The following SYT3 variants were observed in gnomAD, a reference collection of about 807,000 sequenced individuals.
SYT3 encodes the protein synaptotagmin-3.
SYT3 carries 25 observed loss-of-function variants against 50.6 expected under a neutral mutation model. The ratio of observed to expected loss-of-function variants is 0.49; its 90% CI spans 0.36 to 0.69. The LOEUF (loss-of-function observed/expected upper bound fraction) is 0.69. Among genes scored for constraint, SYT3 ranks in the 30% least tolerant of loss-of-function variants. SYT3 has a pLI of 0.00. For synonymous variants in SYT3, 323 were observed against 353.9 expected (o/e 0.91, Z 0.98); for missense variants, 589 against 793.6 (o/e 0.74, Z 3.10).
chr19:50,645,299 T>C, the SYT3 span, among the ~76,000 whole-genome samples: 1 of 151,674 alleles, frequency 6.6e-6, no homozygotes, highest in African/African-American at 2.4e-5. Flanking sequence ...CAGAGGGAAG[T>C]CGGTCGGAGT....
the SYT3 span, among the ~76,000 whole-genome samples, chr19:50,648,441 C>T: frequency 6.6e-6 from 1 of 152,162 alleles, no homozygotes; most frequent in Admixed American, 6.5e-5. Flanking sequence ...GAGACAAAGA[C>T]TGCAAGGACA....
At chr19:50,645,502 G>C in the SYT3 span, among the ~76,000 whole-genome samples, 1 of 152,132 alleles carries the variant, frequency 6.6e-6, no homozygotes, top group African/African-American at 2.4e-5. Flanking sequence ...GAGAAAGACA[G>C]GGAGAGAAAG....
intron 3 of SYT3, among the ~76,000 whole-genome samples, chr19:50,633,745 T>A (rs781420211): frequency 6.6e-6 from 1 of 152,222 alleles, no homozygotes. Context: ...CAGTACTTTA[T>A]AGAGATCAGG....
chr19:50,657,817 T>C, the SYT3 span, among the ~76,000 whole-genome samples: 2 of 152,214 alleles, frequency 1.3e-5, no homozygotes, highest in Non-Finnish European at 2.9e-5. Flanking sequence ...AGATAATCTG[T>C]CGTCTCCTTT....
the SYT3 span, among the ~76,000 whole-genome samples, chr19:50,652,046 C>T: frequency 6.6e-6 from 1 of 152,078 alleles, no homozygotes; most frequent in South Asian, 2.1e-4. Flanking sequence ...TGAATTGACA[C>T]CATTGTAGCT....
At chr19:50,658,009 C>T in the SYT3 span, 1 of 1,534,826 alleles carries the variant, frequency 6.5e-7, no homozygotes. Flanking sequence ...ATTTTACCCA[C>T]CTGGAGGTGC....
chr19:50,657,923 G>GGT, the SYT3 span: 5 of 1,469,572 alleles, frequency 3.4e-6, no homozygotes, highest in South Asian at 6.8e-5. Context: ...GGTCTAGGGT[G>GGT]GTGACTTCTG....
At chr19:50,623,597 C>T (rs1323849510) in intron 9 of SYT3, among the ~76,000 whole-genome samples, 3 of 103,716 alleles carry the variant, frequency 2.9e-5, no homozygotes, top group Non-Finnish European at 5.4e-5. Context: ...GACAACATGG[C>T]AAAACCCTGT....
rs140785262 is a variant in SYT3, at chr19:50,632,792, C to T, written c.168G>A (p.Leu56=). The change falls in exon 4 of 11, where the codon CTG becomes CTA. Residue 56 remains leucine (L), a synonymous_variant. Transcript: ENST00000600079. The surrounding 1 kb of genome is among the most constrained non-coding windows in gnomAD (Gnocchi z 4.7). ...GPDADISVSL[L]SVIVTFCGIV... ...TGCCACAGAATGTCACGATGACCGA[C>T]AGCAGGCTCACGGAGATGTCTGGAG... 2.1e-4 allele frequency: 319 copies of T among 1,517,236 alleles called. 2 individuals carry two copies. The highest frequency in any genetic ancestry group is 2.6e-4 in the Non-Finnish European group (293 of 1,134,686). The allele number at this position is 1,517,236 out of a possible 1,614,324, so 94.0% of individuals were successfully genotyped here. A position where few individuals can be genotyped will look rare whatever the true frequency, so the allele number is the denominator to read the frequency against.
Position 50,622,460 on chromosome 19 carries a change from C to T in SYT3, c.*25G>A, listed in dbSNP as rs940467474. On this transcript the variant is annotated 3_prime_UTR_variant, in exon 11 of 11. Transcript: ENST00000600079. ...GATGGGGTCCTGAGGGAGCCTGGTCCGATCCCGGGCCTAGGCCAGACCTGC... is the reference window on the plus strand; with the variant it reads ...GATGGGGTCCTGAGGGAGCCTGGTCTGATCCCGGGCCTAGGCCAGACCTGC... The T allele has an allele frequency of 2.1e-5, 9 of 430,586 alleles. No individual in the cohort carries two copies. Among genetic ancestry groups the T allele is most frequent in the Middle Eastern group, 7.2e-4 (1 of 1,384 alleles). 26.7% of individuals were successfully genotyped at this position (430,586 alleles called of 1,614,324 possible).
intron 3 of SYT3, among the ~76,000 whole-genome samples, chr19:50,633,087 T>A (rs890802637): frequency 6.6e-6 from 1 of 152,176 alleles, no homozygotes; most frequent in Admixed American, 6.5e-5. Flanking sequence ...GCTCAAGCAA[T>A]CCTCTTACCT....
At chr19:50,630,662 A>T (rs1402808311) in intron 4 of SYT3, among the ~76,000 whole-genome samples, 1 of 152,026 alleles carries the variant, frequency 6.6e-6, no homozygotes, top group Non-Finnish European at 1.5e-5. Flanking sequence ...ACCTCAGATG[A>T]TCTGCCCGCC....
At position 50,625,779 on chromosome 19, in the gene SYT3, AGT is replaced by A; in HGVS notation, c.1402+116_1402+117del. On this transcript the variant is annotated intron_variant, in intron 7 of 10. Coordinates refer to ENST00000600079, the MANE Select transcript of SYT3 (RefSeq NM_001160329.2). This position sits in a 1 kb window ranked among gnomAD's most constrained non-coding sequence, Gnocchi z 7.5. ...TGGCCCCTCCTCCCTCAGACCCAGG[AGT>A]CCAGATCCCCAGCTCCTCCTCCCTC... 1.4e-5 allele frequency: 8 copies of A among 566,822 alleles called. 1 individual carries two copies. Among genetic ancestry groups the A allele is most frequent in the South Asian group, 5.7e-5 (3 of 52,890 alleles). The allele number at this position is 566,822 out of a possible 1,614,324, so 35.1% of individuals were successfully genotyped here. A position where few individuals can be genotyped will look rare whatever the true frequency, so the allele number is the denominator to read the frequency against.
chr19:50,644,215 T>C (rs1299839740), upstream of SYT3, among the ~76,000 whole-genome samples: 3 of 152,216 alleles, frequency 2.0e-5, no homozygotes, highest in Non-Finnish European at 4.4e-5. Context: ...TGTGAATCTA[T>C]GATGTATTGA....
Position 50,639,593 on chromosome 19 carries a change from AC to A in SYT3, c.-154+196del, listed in dbSNP as rs1984609339. Among the ~76,000 whole-genome samples, 1 of 151,324 alleles carries A rather than the reference AC, an allele frequency of 6.6e-6. No homozygotes were observed. ...GATCGGTGGGCGAGGGGTGGGATAC[AC>A]CCAGGTGTTTCGGGACCCCCTTCCA... On this transcript the variant is annotated intron_variant, in intron 1 of 10. Transcript: ENST00000600079. This position sits in a 1 kb window ranked among gnomAD's most constrained non-coding sequence, Gnocchi z 4.6.
In SYT3 at chr19:50,625,252, G is replaced by C. The variant is rs1256810802; in HGVS notation, c.1617C>G (p.Pro539=). 1.3e-6 allele frequency: 2 copies of C among 1,559,724 alleles called. No homozygotes were observed. Among genetic ancestry groups the C allele is most frequent in the Non-Finnish European group, 1.7e-6 (2 of 1,157,008 alleles). ...NEVIGVCRVG[P]DAADPHGREH... ...CGCGGCCGTGCGGGTCGGCAGCGTC[G>C]GGGCCCACACGGCACACGCCGATCA... Residue 539 remains proline (P), a synonymous_variant, in exon 9 of 11, where the codon CCC becomes CCG. Transcript: ENST00000600079. This position sits in a 1 kb window ranked among gnomAD's most constrained non-coding sequence, Gnocchi z 7.5.
At chr19:50,634,751 T>C (rs1568416805) in intron 3 of SYT3, among the ~76,000 whole-genome samples, 1 of 151,846 alleles carries the variant, frequency 6.6e-6, no homozygotes, top group Non-Finnish European at 1.5e-5. Flanking sequence ...GCCTGGCTAA[T>C]TTTTGTATTT....
chr19:50,646,097 G>A, the SYT3 span, among the ~76,000 whole-genome samples: 1 of 152,190 alleles, frequency 6.6e-6, no homozygotes, highest in Non-Finnish European at 1.5e-5. Flanking sequence ...GTGACATCCA[G>A]CCAAAGCTAG....
chr19:50,627,054 C>T (rs866662187), intron 6 of SYT3, among the ~76,000 whole-genome samples: 2 of 152,242 alleles, frequency 1.3e-5, no homozygotes, highest in African/African-American at 2.4e-5. Flanking sequence ...ATTCATCAAC[C>T]TCCACCGAAG....
Sources: gnomAD v4.1 joint callset for allele counts (sites outside exome capture counted in the v4.1 genomes callset) on GRCh38, gnomAD v4.1.1 for gene constraint, Gnocchi (gnomAD v3.1) non-coding constraint, MANE v1.5 for transcripts, NCBI Gene and HGNC (gene_info 2026-07-23, HGNC 2026-07-21) for gene names.